Variants in TNKS observed in about 807,000 individuals in gnomAD.
TNKS encodes the protein tankyrase, also known as poly [ADP-ribose] polymerase tankyrase-1.
Under a neutral mutation model 135.8 loss-of-function variants are expected in TNKS, and 72 were observed. The observed-to-expected ratio is 0.53, with a 90% CI of 0.44 to 0.64. TNKS has a LOEUF of 0.64. TNKS is among the 30% of genes least tolerant of loss of function. The pLI is 0.00. For missense variants in TNKS, 1,769 were observed against 1,674.0 expected (o/e 1.06, Z -0.99); for synonymous variants, 849 against 649.3 (o/e 1.31, Z -4.68).
chr8:9,671,027 G>A (rs1802247535), intron 3 of TNKS: 2 of 152,104 alleles, frequency 1.3e-5, no homozygotes, highest in Admixed American at 1.3e-4. Context: ...ATTAGTTCAG[G>A]CCAGATGAAT....
At chr8:9,690,531 G>T (rs890725926) in intron 5 of TNKS, among the ~76,000 whole-genome samples, 2 of 152,066 alleles carry the variant, frequency 1.3e-5, no homozygotes, top group African/African-American at 4.8e-5. Context: ...AGACCGAGGC[G>T]GGTGGATCAT....
At chr8:9,563,432 G>A (rs955954461) in intron 1 of TNKS, among the ~76,000 whole-genome samples, 5 of 151,940 alleles carry the variant, frequency 3.3e-5, no homozygotes, top group African/African-American at 1.2e-4. Context: ...ACTCAGTTTT[G>A]CTTTTATACT....
intron 3 of TNKS, among the ~76,000 whole-genome samples, chr8:9,671,966 C>T (rs1466567488): frequency 2.0e-5 from 3 of 152,162 alleles, no homozygotes; most frequent in Non-Finnish European, 2.9e-5. Context: ...CTGCCCAGGG[C>T]GTGAACCTTC....
intron 1 of TNKS, chr8:9,558,853 C>T (rs1469286508): frequency 1.3e-5 from 2 of 152,138 alleles, no homozygotes; most frequent in South Asian, 2.1e-4. Flanking sequence ...CAGTTTGCCA[C>T]GCTTCCGTGA....
At chr8:9,713,932 C>T (rs1314962830) in intron 11 of TNKS, among the ~76,000 whole-genome samples, 1 of 152,136 alleles carries the variant, frequency 6.6e-6, no homozygotes, top group Non-Finnish European at 1.5e-5. Context: ...ATTCTGAACA[C>T]ACTTTCTGAA....
At chr8:9,612,644 C>T (rs1262532371) in intron 2 of TNKS, among the ~76,000 whole-genome samples, 1 of 152,068 alleles carries the variant, frequency 6.6e-6, no homozygotes, top group Non-Finnish European at 1.5e-5. Flanking sequence ...TATTGGAATG[C>T]AGCCATGCTC....
At chr8:9,722,532 A>G (rs1283938669) in intron 12 of TNKS, 4 of 149,918 alleles carry the variant, frequency 2.7e-5, no homozygotes, top group African/African-American at 4.9e-5. Flanking sequence ...GAAATTTTCT[A>G]TATAAATTTC....
rs181468427 is a variant in TNKS at position 9,579,579 on chromosome 8, G to T, written c.674-580G>T. ...TGCCTCCCAGGTTCAAGCGATTCTC[G>T]TGCCTCAGCCTCCCAAGTAGGTGGG... On this transcript the variant is annotated intron_variant, in intron 1 of 26. Coordinates refer to ENST00000310430, the MANE Select transcript of TNKS (RefSeq NM_003747.3). Among the ~76,000 whole-genome samples, 99 of 151,988 alleles carry T rather than the reference G, an allele frequency of 6.5e-4. 1 individual carries two copies. The highest frequency in any genetic ancestry group is 1.2e-3 in the Non-Finnish European group (83 of 67,994).
chr8:9,757,273 C>G (rs1806889883), intron 20 of TNKS, among the ~76,000 whole-genome samples: 1 of 152,162 alleles, frequency 6.6e-6, no homozygotes, highest in South Asian at 2.1e-4. Context: ...CCACACCTGG[C>G]CAGCCTCTGG....
chr8:9,754,751 G>T (rs1806746882), intron 20 of TNKS, among the ~76,000 whole-genome samples: 3 of 152,128 alleles, frequency 2.0e-5, no homozygotes, highest in Admixed American at 2.0e-4. Context: ...GTGCTGCTGT[G>T]TCAGCTTTTA....
chr8:9,637,541 C>G (rs934856377), intron 3 of TNKS, among the ~76,000 whole-genome samples: 1 of 152,016 alleles, frequency 6.6e-6, no homozygotes, highest in African/African-American at 2.4e-5. Context: ...TGATAAATTG[C>G]TTATGATGGG....
intron 3 of TNKS, among the ~76,000 whole-genome samples, chr8:9,647,687 T>C (rs1800968457): frequency 6.6e-6 from 1 of 152,206 alleles, no homozygotes; most frequent in Admixed American, 6.5e-5. Context: ...GTGTGACTTG[T>C]GCCCCTTGAA....
chr8:9,755,204 G>T (rs905867376), intron 20 of TNKS, among the ~76,000 whole-genome samples: 1 of 152,116 alleles, frequency 6.6e-6, no homozygotes, highest in South Asian at 2.1e-4. Flanking sequence ...CTGACTTCCT[G>T]TGGCGTATTT....
chr8:9,636,518 T>A (rs987336123), intron 3 of TNKS, among the ~76,000 whole-genome samples: 2 of 152,148 alleles, frequency 1.3e-5, no homozygotes, highest in Non-Finnish European at 2.9e-5. Flanking sequence ...ATTAAATGTC[T>A]TTTTTTCTAT....
At chr8:9,563,208 C>G (rs1344414199) in intron 1 of TNKS, among the ~76,000 whole-genome samples, 2 of 152,060 alleles carry the variant, frequency 1.3e-5, no homozygotes, top group Non-Finnish European at 2.9e-5. Flanking sequence ...TAAATAAGCT[C>G]TTGTACCCAT....
chr8:9,598,786 T>C, intron 2 of TNKS, among the ~76,000 whole-genome samples: 1 of 74,946 alleles, frequency 1.3e-5, no homozygotes, highest in Non-Finnish European at 2.7e-5. Flanking sequence ...TATATATATA[T>C]ATATATATAT....
At chr8:9,762,904 CAAA>C (rs148458789) in intron 21 of TNKS, among the ~76,000 whole-genome samples, 7 of 112,206 alleles carry the variant, frequency 6.2e-5, no homozygotes, top group Admixed American at 9.0e-5. Flanking sequence ...GGCTCCGTCT[CAAA>C]AAAAAAAAAA....
intron 2 of TNKS, among the ~76,000 whole-genome samples, chr8:9,584,655 A>G (rs1323294659): frequency 6.6e-6 from 1 of 152,214 alleles, no homozygotes. Context: ...AGGTTGCTAA[A>G]TGGAAGTTGC....
chr8:9,618,980 C>A (rs1260383787), intron 3 of TNKS, among the ~76,000 whole-genome samples: 1 of 152,184 alleles, frequency 6.6e-6, no homozygotes, highest in African/African-American at 2.4e-5. Context: ...AACAACTTCA[C>A]AGTACCCTTC....
Sources: gnomAD v4.1 joint callset for allele counts (sites outside exome capture counted in the v4.1 genomes callset) on GRCh38, gnomAD v4.1.1 for gene constraint, MANE v1.5 for transcripts, NCBI Gene and HGNC (gene_info 2026-07-23, HGNC 2026-07-21) for gene names.